MAPK12: variants seen among roughly 807,000 people sequenced by gnomAD.
The protein encoded by MAPK12 is mitogen-activated protein kinase 12, also known as MAP kinase 12.
MAPK12 carries 49 observed loss-of-function variants against 49.1 expected under a neutral mutation model. The ratio of observed to expected loss-of-function variants is 1.00; its 90% CI spans 0.79 to 1.27. The LOEUF is 1.27. Ranked by LOEUF, MAPK12 falls within the 50% of genes most tolerant of loss-of-function variation. The pLI is 0.00. For synonymous variants in MAPK12, 251 were observed against 209.7 expected, an observed-to-expected ratio of 1.20 and a Z score of -1.70; for missense variants, 554 against 502.4, an observed-to-expected ratio of 1.10 and a Z score of -0.98.
intron 6 of MAPK12, 60 bp downstream of exon 6, chr22:50,256,539 T>G (rs2065151990): frequency 1.3e-6 from 2 of 1,570,030 alleles, no homozygotes; most frequent in Non-Finnish European, 1.7e-6. Flanking sequence ...GGTGGATAGA[T>G]GGGCAGATCC....
intron 2 of MAPK12, among the ~76,000 whole-genome samples, chr22:50,259,440 C>G (rs531911240): frequency 4.6e-5 from 7 of 152,124 alleles, no homozygotes; most frequent in Non-Finnish European, 1.0e-4. Flanking sequence ...CCTCCTCCCC[C>G]GCTGAGCAAG....
In MAPK12 at chr22:50,256,146, C is replaced by T. The variant is rs1371804965; in HGVS notation, c.558G>A (p.Val186=). 6.2e-7 allele frequency: 1 copy of T among 1,612,672 alleles called. No homozygotes were observed. Among genetic ancestry groups the T allele is most frequent in the African/African-American group, 1.3e-5 (1 of 74,928 alleles). The change falls in exon 7 of 12, where the codon GTG becomes GTA. Residue 186 remains valine (V), a synonymous_variant. Transcript: ENST00000215659. ...RQADSEMTGY[V]VTRWYRAPEV... is the part of the protein sequence containing the mutation. ...CGGGAGCCCGGTACCACCGGGTCAC[C>T]ACGTACCCAGTCATCTCACTGTCTG... is the stretch of plus-strand genomic sequence containing the variant.
rs2065151405 is a variant in MAPK12 at position 50,256,469 on chromosome 22, C to T, written c.504+130G>A. 1.1e-5 allele frequency: 14 copies of T among 1,239,606 alleles called. No homozygotes were observed. The South Asian group carries it at 2.0e-4, about 18-fold the overall frequency. The allele number at this position is 1,239,606 out of a possible 1,614,324, so 76.8% of individuals were successfully genotyped here. On this transcript the variant is annotated intron_variant, in intron 6 of 11. Transcript: ENST00000215659. ...CCACTGCCTCTTGGGCTCACCCACC[C>T]ACCAGCTCCTCAGCCACTGCCCAGA... is the stretch of plus-strand genomic sequence containing the variant.
chr22:50,255,198 C>A lies in MAPK12; in HGVS notation c.1023G>T (p.Lys341Asn). ...DDVDRTLDEW[K>N]RVTYKEVLSF... Reference sequence around the variant, plus strand: ...CCGTGCCAGGAGCCCCCCACTCACGCTTCCATTCATCCAGTGTGCGGTCAA... The same window carrying A: ...CCGTGCCAGGAGCCCCCCACTCACGATTCCATTCATCCAGTGTGCGGTCAA... Residue 341 changes from lysine to asparagine, a missense_variant and splice_region_variant, in exon 11 of 12, where the codon AAG (lysine) becomes AAT (asparagine). Lys to Asn is a moderately conservative substitution (Grantham distance 94). Transcript: ENST00000215659. 6.2e-7 allele frequency: 1 copy of A among 1,613,778 alleles called. No homozygotes were observed. Among genetic ancestry groups the A allele is most frequent in the Non-Finnish European group, 8.5e-7 (1 of 1,179,986 alleles).
chr22:50,261,441 C>A lies in MAPK12; in HGVS notation c.69G>T (p.Val23=). The A allele has an allele frequency of 7.8e-7, 1 of 1,278,100 alleles. No homozygotes were observed. The highest frequency in any genetic ancestry group is 1.0e-6 in the Non-Finnish European group (1 of 989,286). The allele number at this position is 1,278,100 out of a possible 1,614,324, so 79.2% of individuals were successfully genotyped here. The change falls in exon 1 of 12, where the codon GTG becomes GTT. Residue 23 remains valine (V), a synonymous_variant. Coordinates refer to ENST00000215659, the MANE Select transcript of MAPK12 (RefSeq NM_002969.6). The part of the protein sequence containing the change: ...RQEVTKTAWE[V]RAVYRDLQPV... ...GCTGCAGGTCCCGGTACACGGCGCG[C>A]ACCTCCCAGGCCGTCTTGGTCACCT...
Position 50,256,132 on chromosome 22 carries a change from T to C in MAPK12, c.572A>G (p.Tyr191Cys), listed in dbSNP as rs1171914628. The C allele has an allele frequency of 2.0e-5, 32 of 1,612,776 alleles. No individual in the cohort carries two copies. Among genetic ancestry groups the C allele is most frequent in the Non-Finnish European group, 2.7e-5 (32 of 1,179,936 alleles). ...EMTGYVVTRW[Y>C]RAPEVILNWM... Reference sequence around the variant, plus strand: ...ATTCAAGATGACCTCGGGAGCCCGGTACCACCGGGTCACCACGTACCCAGT... The same window carrying C: ...ATTCAAGATGACCTCGGGAGCCCGGCACCACCGGGTCACCACGTACCCAGT... The change falls in exon 7 of 12, where the codon TAC becomes TGC. Residue 191 changes from tyrosine (Y) to cysteine (C), a missense_variant. Tyr to Cys is a radical substitution (Grantham distance 194). Coordinates refer to ENST00000215659, the MANE Select transcript of MAPK12 (RefSeq NM_002969.6).
At position 50,257,206 on chromosome 22, in the gene MAPK12, C is replaced by T; in HGVS notation, c.315-13G>A. 6.2e-7 allele frequency: 1 copy of T among 1,603,218 alleles called. No homozygotes were observed. Among genetic ancestry groups the T allele is most frequent in the Non-Finnish European group, 8.5e-7 (1 of 1,172,206 alleles). On this transcript the variant is annotated splice_polypyrimidine_tract_variant and intron_variant, in intron 3 of 11. Transcript: ENST00000215659. Reference sequence around the variant, plus strand: ...CATCACCAGGTAACTGTGGGAGGGGCCGGAGCGCTGTCAGCGGACAGAGCC... The same window carrying T: ...CATCACCAGGTAACTGTGGGAGGGGTCGGAGCGCTGTCAGCGGACAGAGCC...
At position 50,255,475 on chromosome 22, in the gene MAPK12, GAT is replaced by G; in HGVS notation, c.826_827del (p.Ile276ProfsTer44). On this transcript the variant is annotated frameshift_variant, in exon 10 of 12. Transcript: ENST00000215659. LOFTEE classifies it high-confidence loss of function. ...TACCCAGAGGGCTTGCATTGGTCAG[GAT>G]AGAGGCAAAATCCTTCTTCTCCAAT... is the stretch of plus-strand genomic sequence containing the variant. ...PELEKKDFASILTNASPLAVN... is the reference protein window; with the variant it reads ...PELEKKDFASXLTNASPLAVN... 1 of 1,613,190 alleles carries G rather than the reference GAT, an allele frequency of 6.2e-7. No individual in the cohort carries two copies. The highest frequency in any genetic ancestry group is 8.5e-7 in the Non-Finnish European group (1 of 1,180,016).
Position 50,255,629 on chromosome 22 carries a change from G to C in MAPK12, c.757C>G (p.Leu253Val). ...TCACCCCTTACCTCATCGCTCTGCA[G>C]CCGCTGCACAAACTCAGCCGGAGGC... is the stretch of plus-strand genomic sequence containing the variant. ...GTPPAEFVQR[L>V]QSDEAKNYMK... is the part of the protein sequence containing the mutation. The change falls in exon 9 of 12, where the codon CTG (leucine) becomes GTG (valine). Residue 253 changes from leucine to valine, a missense_variant. Leu to Val is a conservative substitution (Grantham distance 32). Coordinates refer to ENST00000215659, the MANE Select transcript of MAPK12 (RefSeq NM_002969.6). 6.9e-7 allele frequency: 1 copy of C among 1,440,930 alleles called. No individual in the cohort carries two copies. The highest frequency in any genetic ancestry group is 9.3e-7 in the Non-Finnish European group (1 of 1,076,716). The allele number at this position is 1,440,930 out of a possible 1,614,324, so 89.3% of individuals were successfully genotyped here.
intron 11 of MAPK12, chr22:50,254,882 T>G: frequency 8.0e-7 from 1 of 1,249,388 alleles, no homozygotes; most frequent in Non-Finnish European, 1.0e-6. Context: ...GCCTCTGTGC[T>G]GAGCCTGCCA....
rs575269203 is a variant in MAPK12, at chr22:50,256,866, G to C, written c.456+69C>G. ...ACCCAGACCCCATCACATCCTCACA[G>C]GTGGGACGTGGAGGCGGGGGGATTG... On this transcript the variant is annotated intron_variant, in intron 5 of 11. Transcript: ENST00000215659. 100 of 1,576,096 alleles carry C rather than the reference G, an allele frequency of 6.3e-5. No individual in the cohort carries two copies. In the African/African-American group the frequency reaches 1.2e-3, roughly 19 times the overall value.
chr22:50,259,687 A>G (rs957946559), intron 2 of MAPK12, among the ~76,000 whole-genome samples: 2 of 152,092 alleles, frequency 1.3e-5, no homozygotes, highest in Admixed American at 1.3e-4. Flanking sequence ...GTTCGAGACC[A>G]GTCTGCCCAA....
intron 5 of MAPK12, 61 bp downstream of exon 5, chr22:50,256,874 G>C (rs564285105): frequency 6.3e-7 from 1 of 1,582,434 alleles, no homozygotes. Context: ...CAGGTGGGAC[G>C]TGGAGGCGGG....
chr22:50,257,344 T>C, intron 3 of MAPK12, 151 bp from the exon 4 acceptor site: 3 of 638,470 alleles, frequency 4.7e-6, no homozygotes, highest in Non-Finnish European at 5.7e-6. Flanking sequence ...CTGGCCTCGG[T>C]GTCCTCGCAG....
chr22:50,259,648 C>T (rs2065188756), intron 2 of MAPK12, among the ~76,000 whole-genome samples: 2 of 152,044 alleles, frequency 1.3e-5, no homozygotes, highest in South Asian at 2.1e-4. Flanking sequence ...TTTGGGAAGC[C>T]GAGGCGAGCA....
rs2065212280 is a variant in MAPK12 at position 50,261,392 on chromosome 22, C to T, written c.118G>A (p.Ala40Thr). 2.5e-6 allele frequency: 3 copies of T among 1,203,668 alleles called. No homozygotes were observed. Among genetic ancestry groups the T allele is most frequent in the Non-Finnish European group, 2.1e-6 (2 of 950,736 alleles). 74.6% of individuals were successfully genotyped at this position (1,203,668 alleles called of 1,614,324 possible). ...CGCCCGGCCCGCGCTCACCACACCG[C>T]GCCGTAGGCGCCCGAGCCCACGGGC... The part of the protein sequence containing the change: ...LQPVGSGAYG[A>T]VCSAVDGRTG... The change falls in exon 1 of 12, where the codon GCG becomes ACG. Residue 40 changes from alanine (A) to threonine (T), a missense_variant. Transcript: ENST00000215659.
At position 50,253,217 on chromosome 22, in the gene MAPK12, C is replaced by T. The variant is rs1170031510; in HGVS notation, c.*184G>A. ...TCTTGTCCAGAAAGTTCAGGTGCTC[C>T]TCCATGATGGGCGCCCAAGAGCAGA... On this transcript the variant is annotated 3_prime_UTR_variant, in exon 12 of 12. Transcript: ENST00000215659. The T allele has an allele frequency of 3.1e-6, 2 of 644,180 alleles. No homozygotes were observed. Among genetic ancestry groups the T allele is most frequent in the Non-Finnish European group, 5.7e-6 (2 of 353,090 alleles). 39.9% of individuals were successfully genotyped at this position (644,180 alleles called of 1,614,324 possible).
rs760525509 is a variant in MAPK12 at position 50,261,418 on chromosome 22, T to C, written c.92A>G (p.Gln31Arg). ...WEVRAVYRDL[Q>R]PVGSGAYGAV... ...GCCGTAGGCGCCCGAGCCCACGGGCTGCAGGTCCCGGTACACGGCGCGCAC... is the reference window on the plus strand; with the variant it reads ...GCCGTAGGCGCCCGAGCCCACGGGCCGCAGGTCCCGGTACACGGCGCGCAC... The change falls in exon 1 of 12, where the codon CAG (glutamine) becomes CGG (arginine). Residue 31 changes from glutamine to arginine, a missense_variant. Coordinates refer to ENST00000215659, the MANE Select transcript of MAPK12 (RefSeq NM_002969.6). 4 of 1,246,308 alleles carry C rather than the reference T, an allele frequency of 3.2e-6. No individual in the cohort carries two copies. The highest frequency in any genetic ancestry group is 5.5e-5 in the East Asian group (1 of 18,050). The allele number at this position is 1,246,308 out of a possible 1,614,324, so 77.2% of individuals were successfully genotyped here.
Position 50,255,466 on chromosome 22 carries a change from A to G in MAPK12, c.837T>C (p.Asn279=). The G allele has an allele frequency of 1.2e-6, 2 of 1,613,158 alleles. No homozygotes were observed. The highest frequency in any genetic ancestry group is 2.2e-5 in the East Asian group (1 of 44,876). The change falls in exon 10 of 12, where the codon AAT becomes AAC. Residue 279 remains asparagine (N), a synonymous_variant. Transcript: ENST00000215659. ...AGCCAGCCGTACCCAGAGGGCTTGCATTGGTCAGGATAGAGGCAAAATCCT... is the reference window on the plus strand; with the variant it reads ...AGCCAGCCGTACCCAGAGGGCTTGCGTTGGTCAGGATAGAGGCAAAATCCT... ...EKKDFASILT[N]ASPLAVNLLE... is the part of the protein sequence containing the mutation.
Sources: gnomAD v4.1 joint callset for allele counts (sites outside exome capture counted in the v4.1 genomes callset) on GRCh38, gnomAD v4.1.1 for gene constraint, MANE v1.5 for transcripts, NCBI Gene and HGNC (gene_info 2026-07-23, HGNC 2026-07-21) for gene names.